The following PACRGL variants were observed in gnomAD, a reference collection of about 807,000 sequenced individuals.
The protein encoded by PACRGL is parkin coregulated like.
In PACRGL, 38 loss-of-function variants were observed where a neutral mutation model predicts 34.5. That is an observed-to-expected ratio of 1.10 (90% CI 0.85 to 1.44). The LOEUF is 1.44. PACRGL is among the 40% of genes most tolerant of loss of function. The pLI is 0.00. For missense variants in PACRGL, 305 were observed against 281.4 expected (o/e 1.08, Z -0.60); for synonymous variants, 128 against 100.1 (o/e 1.28, Z -1.66).
chr4:20,709,831 A>G, intron 5 of PACRGL, 58 bp downstream of exon 5: 1 of 1,402,226 alleles, frequency 7.1e-7, no homozygotes, highest in Non-Finnish European at 1.0e-6. Context: ...ATTGCATTAA[A>G]TGCTACTTTG....
intron 8 of PACRGL, among the ~76,000 whole-genome samples, chr4:20,747,669 T>C (rs917445851): frequency 2.6e-5 from 4 of 152,230 alleles, no homozygotes; most frequent in Middle Eastern, 6.8e-3. Context: ...TTTATTTTTC[T>C]CTTCTCAGTG....
At chr4:20,751,281 C>A (rs1257593847) in intron 8 of PACRGL, among the ~76,000 whole-genome samples, 1 of 152,172 alleles carries the variant, frequency 6.6e-6, no homozygotes, top group Non-Finnish European at 1.5e-5. Context: ...ACTGTGACAT[C>A]TAGAGTGGAT....
downstream of PACRGL, among the ~76,000 whole-genome samples, chr4:20,734,201 C>T (rs1370210318): frequency 2.0e-5 from 3 of 152,166 alleles, no homozygotes; most frequent in African/African-American, 7.2e-5. Flanking sequence ...TAGTCTGCCT[C>T]AACGTGCATT....
At position 20,731,984 on chromosome 4, in the gene PACRGL, T is replaced by G; in HGVS notation, c.*4643T>G. The G allele has an allele frequency of 1.2e-6, 2 of 1,612,752 alleles. No homozygotes were observed. The highest frequency in any genetic ancestry group is 1.7e-6 in the Non-Finnish European group (2 of 1,179,576). ...GCTGTTATGATAGCTGAATTGATAG[T>G]TATTACACTTTCATTACTTACTTTT... On this transcript the variant is annotated 3_prime_UTR_variant, in exon 9 of 9. Transcript: ENST00000503585.
At chr4:20,724,549 A>T (rs1050779667) in intron 7 of PACRGL, among the ~76,000 whole-genome samples, 7 of 152,154 alleles carry the variant, frequency 4.6e-5, no homozygotes, top group Non-Finnish European at 7.3e-5. Flanking sequence ...ATCACAAAAT[A>T]TGCTATTTTA....
chr4:20,716,471 T>C (rs1740060972), intron 7 of PACRGL, among the ~76,000 whole-genome samples: 1 of 152,152 alleles, frequency 6.6e-6, no homozygotes, highest in Non-Finnish European at 1.5e-5. Context: ...TTACATTAGG[T>C]ATATCTCCTA....
intron 1 of PACRGL, chr4:20,701,738 G>C: frequency 2.5e-6 from 1 of 397,684 alleles, no homozygotes; most frequent in East Asian, 7.4e-5. Context: ...TTGGCTCCAG[G>C]ACTCCCTCCC....
chr4:20,709,928 T>C, intron 5 of PACRGL, 155 bp downstream of exon 5: 1 of 577,826 alleles, frequency 1.7e-6, no homozygotes, highest in South Asian at 2.2e-5. Flanking sequence ...AGGAATGAAT[T>C]ATGATTCTTA....
intron 7 of PACRGL, among the ~76,000 whole-genome samples, chr4:20,719,868 C>T (rs1341183751): frequency 1.3e-5 from 2 of 152,000 alleles, no homozygotes; most frequent in African/African-American, 4.8e-5. Context: ...GAGGTGAGTT[C>T]AATTCCTGGG....
the PACRGL span, among the ~76,000 whole-genome samples, chr4:20,758,074 G>A: frequency 6.6e-6 from 1 of 152,236 alleles, no homozygotes; most frequent in South Asian, 2.1e-4. Flanking sequence ...CCCCCTACGT[G>A]ATCAGCACCT....
chr4:20,762,098 A>G, the PACRGL span, among the ~76,000 whole-genome samples: 5 of 152,202 alleles, frequency 3.3e-5, no homozygotes, highest in African/African-American at 4.8e-5. Context: ...TTTATTTCTC[A>G]TAGTACTGGA....
chr4:20,733,184 A>G (rs1041076919), downstream of PACRGL, among the ~76,000 whole-genome samples: 7 of 152,212 alleles, frequency 4.6e-5, no homozygotes, highest in African/African-American at 1.7e-4. Context: ...CACATCGTAT[A>G]TTGAGAAAAA....
chr4:20,756,405 CT>C (rs1439520059), downstream of PACRGL, among the ~76,000 whole-genome samples: 1 of 152,082 alleles, frequency 6.6e-6, no homozygotes, highest in Non-Finnish European at 1.5e-5. Context: ...TATCTCTTTT[CT>C]TTTCTATCCT....
At chr4:20,701,233 A>G (rs10213430) in intron 1 of PACRGL, among the ~76,000 whole-genome samples, 18,319 of 152,160 alleles carry the variant, frequency 0.12, 1,283 homozygotes, top group South Asian at 0.19. Context: ...GAAATAGGCT[A>G]TATCAGCTGC....
At chr4:20,718,303 G>T (rs150886246) in intron 7 of PACRGL, among the ~76,000 whole-genome samples, 6 of 151,926 alleles carry the variant, frequency 3.9e-5, no homozygotes, top group African/African-American at 7.3e-5. Flanking sequence ...TCCTCTTTTC[G>T]TAATTGAATA....
chr4:20,733,793 G>A (rs1748934215), downstream of PACRGL, among the ~76,000 whole-genome samples: 1 of 152,156 alleles, frequency 6.6e-6, no homozygotes, highest in African/African-American at 2.4e-5. Context: ...ACCCACTAGT[G>A]ATACCTATTC....
At chr4:20,736,289 G>T (rs1222592219), downstream of PACRGL, among the ~76,000 whole-genome samples, 4 of 152,034 alleles carry the variant, frequency 2.6e-5, no homozygotes, top group East Asian at 7.7e-4. Context: ...AGTTTCCATT[G>T]TATATGTAAA....
At chr4:20,710,425 A>G (rs1185596299) in intron 5 of PACRGL, among the ~76,000 whole-genome samples, 3 of 152,230 alleles carry the variant, frequency 2.0e-5, no homozygotes, top group Admixed American at 1.3e-4. Context: ...TGAATTAACC[A>G]GTTGTCTTGT....
rs1578390169 is a variant in PACRGL at position 20,729,492 on chromosome 4, A to AT, written c.*2156dup. The stretch of plus-strand genomic sequence containing the variant: ...TAAACTAATTTTTAAATGTTTAATA[A>AT]TTTTTAAATGTTTAAAAATGCCAGA... On this transcript the variant is annotated 3_prime_UTR_variant, in exon 9 of 9. Coordinates refer to ENST00000503585, the MANE Select transcript of PACRGL (RefSeq NM_001258345.3). 6.6e-6 allele frequency: 1 copy of AT among 150,936 alleles called. No individual in the cohort carries two copies. The highest frequency in any genetic ancestry group is 2.4e-5 in the African/African-American group (1 of 41,332). 9.3% of individuals were successfully genotyped at this position (150,936 alleles called of 1,614,324 possible).
Sources: allele counts gnomAD v4.1 joint callset (sites outside exome capture counted in the v4.1 genomes callset), GRCh38; gene constraint gnomAD v4.1.1; transcripts MANE v1.5; gene names NCBI Gene and HGNC (gene_info 2026-07-23, HGNC 2026-07-21).